Variants in SH3BP2 observed in about 807,000 individuals in gnomAD.
SH3BP2 encodes the protein SH3 domain binding protein 2, also known as SH3 domain-binding protein 2.
In SH3BP2, 38 loss-of-function variants were observed where a neutral mutation model predicts 56.2. The ratio of observed to expected loss-of-function variants is 0.68; its 90% CI spans 0.52 to 0.89. SH3BP2 has a LOEUF of 0.89. Ranked by LOEUF, SH3BP2 falls within the 40% of genes least tolerant of loss-of-function variation. The pLI is 0.00. For synonymous variants in SH3BP2, 346 were observed against 316.7 expected (o/e 1.09, Z -0.98); for missense variants, 748 against 762.6 (o/e 0.98, Z 0.23).
At chr4:2,825,012 C>T in intron 4 of SH3BP2, 114 bp from the exon 5 acceptor site, 8 of 970,080 alleles carry the variant, frequency 8.2e-6, no homozygotes, top group East Asian at 5.2e-5. Context: ...CCAGCCGGGT[C>T]GCCTCCTCTG....
At chr4:2,818,266 G>A (rs1724096664) in intron 1 of SH3BP2, 1 of 1,011,676 alleles carries the variant, frequency 9.9e-7, no homozygotes, top group Admixed American at 6.0e-5. Flanking sequence ...GGGCCGGCGG[G>A]AGGCGGGCGC....
chr4:2,795,106 A>ATGG (rs1274289279), intron 1 of SH3BP2, among the ~76,000 whole-genome samples: 2 of 151,368 alleles, frequency 1.3e-5, no homozygotes, highest in African/African-American at 4.9e-5. Context: ...CGTAGGGGGG[A>ATGG]TGGTGGTGGT....
intron 1 of SH3BP2, chr4:2,793,639 C>G (rs1722969330): frequency 6.6e-6 from 1 of 152,022 alleles, no homozygotes; most frequent in Admixed American, 6.5e-5. Flanking sequence ...CCACAAGACT[C>G]AAAGGCTGCG....
At chr4:2,833,422 G>A (rs11732035) in intron 12 of SH3BP2, 105,192 of 584,408 alleles carry the variant, frequency 0.18, 11,689 homozygotes, top group Non-Finnish European at 0.24. Flanking sequence ...TACAGGCGTG[G>A]GCCACCGTGC....
intron 1 of SH3BP2, among the ~76,000 whole-genome samples, chr4:2,801,855 C>G (rs532096799): frequency 6.6e-6 from 1 of 152,362 alleles, no homozygotes; most frequent in East Asian, 1.9e-4. Context: ...TGCCTGTAAT[C>G]CCAGCACTTT....
chr4:2,809,619 C>T lies in SH3BP2; in HGVS notation c.-4-10995C>T, dbSNP rs373692367. On this transcript the variant is annotated intron_variant, in intron 1 of 12. Coordinates refer to ENST00000503393, the MANE Select transcript of SH3BP2 (RefSeq NM_001122681.2). ...CAGGACTGTCCTCTTGGGCTGTGAG[C>T]CTTGAGATGAGGCAGGTGCCGTGAG... Among the ~76,000 whole-genome samples, 49 of 152,308 alleles carry T rather than the reference C, an allele frequency of 3.2e-4. No individual in the cohort carries two copies. In the East Asian group the frequency reaches 4.2e-3, roughly 13 times the overall value.
Position 2,830,039 on chromosome 4 carries a change from T to C in SH3BP2, c.1133T>C (p.Val378Ala), listed in dbSNP as rs774058201. ...GAGGCAGCCATGCCCGGACTCTTTG[T>C]GCCCCCCGTGGCTCCCCGGCCTCCT... ...PREAAMPGLFVPPVAPRPPAL... is the reference protein window; with the variant it reads ...PREAAMPGLFAPPVAPRPPAL... Residue 378 changes from valine to alanine, a missense_variant, in exon 8 of 13, where the codon GTG becomes GCG. Physicochemically the swap from Val to Ala is moderately conservative, Grantham distance 64 (BLOSUM62 0). Coordinates refer to ENST00000503393, the MANE Select transcript of SH3BP2 (RefSeq NM_001122681.2). The C allele has an allele frequency of 7.4e-6, 12 of 1,612,576 alleles. No homozygotes were observed. In the Admixed American group the frequency reaches 1.5e-4, roughly 20 times the overall value.
intron 1 of SH3BP2, among the ~76,000 whole-genome samples, chr4:2,814,228 G>A (rs963050033): frequency 6.6e-6 from 1 of 152,228 alleles, no homozygotes; most frequent in African/African-American, 2.4e-5. Flanking sequence ...CGCACATGAG[G>A]GCCTGCACAG....
At chr4:2,824,825 G>T in intron 4 of SH3BP2, 95 bp downstream of exon 4, 1 of 978,132 alleles carries the variant, frequency 1.0e-6, no homozygotes, top group Non-Finnish European at 1.6e-6. Flanking sequence ...TGGTCCTGGG[G>T]CGCTGGCCTC....
intron 3 of SH3BP2, chr4:2,823,482 A>G (rs2050041643): frequency 2.2e-6 from 1 of 457,424 alleles, no homozygotes; most frequent in African/African-American, 2.0e-5. Context: ...CCAGGCCGGG[A>G]TCAGTTTCCA....
chr4:2,836,407 A>C lies in SH3BP2; in HGVS notation c.*2573A>C, dbSNP rs1725234583. 1 of 152,214 alleles carries C rather than the reference A, an allele frequency of 6.6e-6. No individual in the cohort carries two copies. The highest frequency in any genetic ancestry group is 2.4e-5 in the African/African-American group (1 of 41,448). 9.4% of individuals were successfully genotyped at this position (152,214 alleles called of 1,614,324 possible). A position where few individuals can be genotyped will look rare whatever the true frequency, so the allele number is the denominator to read the frequency against. ...TTACCATTTACTGACCACATCTGTG[A>C]GGTGCCGAGCTGGGTGCTTGACATC... On this transcript the variant is annotated 3_prime_UTR_variant, in exon 13 of 13. Transcript: ENST00000503393.
chr4:2,837,586 G>A lies in SH3BP2; in HGVS notation c.*3752G>A, dbSNP rs1725278129. Reference sequence around the variant, plus strand: ...AGCTCAGCAGGGAAGAGGCTTTTGAGGGTGATCCAGGCGCTGGAGGGATGG... The same window carrying A: ...AGCTCAGCAGGGAAGAGGCTTTTGAAGGTGATCCAGGCGCTGGAGGGATGG... On this transcript the variant is annotated 3_prime_UTR_variant, in exon 13 of 13. Coordinates refer to ENST00000503393, the MANE Select transcript of SH3BP2 (RefSeq NM_001122681.2). The A allele has an allele frequency of 6.6e-6, 1 of 152,406 alleles. No homozygotes were observed. The highest frequency in any genetic ancestry group is 2.4e-5 in the African/African-American group (1 of 41,456). 9.4% of individuals were successfully genotyped at this position (152,406 alleles called of 1,614,324 possible).
chr4:2,813,183 A>T (rs1014231437), intron 1 of SH3BP2, among the ~76,000 whole-genome samples: 2 of 152,356 alleles, frequency 1.3e-5, no homozygotes, highest in East Asian at 3.9e-4. Context: ...GTGGGGAGGC[A>T]GGGCAGCCAG....
intron 5 of SH3BP2, among the ~76,000 whole-genome samples, chr4:2,825,926 C>T (rs1183373694): frequency 6.6e-6 from 1 of 152,216 alleles, no homozygotes; most frequent in African/African-American, 2.4e-5. Context: ...ACTTCCTGGC[C>T]CGAGACGATG....
chr4:2,794,702 A>T (rs770261203), intron 1 of SH3BP2, among the ~76,000 whole-genome samples: 1 of 152,242 alleles, frequency 6.6e-6, no homozygotes, highest in Non-Finnish European at 1.5e-5. Context: ...GGCCTCCAGG[A>T]TCATGGGGGA....
chr4:2,793,733 C>T (rs1489481725), intron 1 of SH3BP2: 1 of 152,188 alleles, frequency 6.6e-6, no homozygotes, highest in Non-Finnish European at 1.5e-5. Flanking sequence ...AAAAGCCGCC[C>T]ACTGGCGCTG....
At chr4:2,832,648 G>A (rs1055202065) in intron 11 of SH3BP2, among the ~76,000 whole-genome samples, 1 of 152,234 alleles carries the variant, frequency 6.6e-6, no homozygotes, top group Non-Finnish European at 1.5e-5. Context: ...GGGTGGGGTA[G>A]GGCTCATGCT....
At chr4:2,809,419 C>T (rs963983943) in intron 1 of SH3BP2, among the ~76,000 whole-genome samples, 3 of 151,582 alleles carry the variant, frequency 2.0e-5, no homozygotes, top group African/African-American at 7.3e-5. Context: ...CTCCCTCTCT[C>T]CCCTGGACTC....
rs1724900397 is a variant in SH3BP2 at position 2,830,084 on chromosome 4, C to T, written c.1178C>T (p.Pro393Leu). ...PRPPALKLPV[P>L]EAMARPAVLP... ...CCTCCTGCGCTGAAGCTGCCAGTGC[C>T]TGAGGCCATGGCGCGGCCCGCAGTC... Residue 393 changes from proline (P) to leucine (L), a missense_variant, in exon 8 of 13, where the codon CCT becomes CTT. By Grantham distance (98) the Pro-to-Leu change is moderately conservative. Coordinates refer to ENST00000503393, the MANE Select transcript of SH3BP2 (RefSeq NM_001122681.2). 1.2e-6 allele frequency: 2 copies of T among 1,609,908 alleles called. No individual in the cohort carries two copies. The highest frequency in any genetic ancestry group is 1.7e-6 in the Non-Finnish European group (2 of 1,179,314).
Sources: gnomAD v4.1 joint callset for allele counts (sites outside exome capture counted in the v4.1 genomes callset) on GRCh38, gnomAD v4.1.1 for gene constraint, MANE v1.5 for transcripts, NCBI Gene and HGNC (gene_info 2026-07-23, HGNC 2026-07-21) for gene names.